The following IMMP2L variants were observed in gnomAD, a reference collection of about 807,000 sequenced individuals.
IMMP2L encodes the protein mitochondrial inner membrane protease subunit 2.
In IMMP2L, 18 loss-of-function variants were observed where a neutral mutation model predicts 19.3. The observed-to-expected ratio is 0.93, with a 90% CI of 0.64 to 1.38. The LOEUF is 1.38. Ranked by LOEUF, IMMP2L falls within the 40% of genes most tolerant of loss-of-function variation. The pLI, the probability that IMMP2L is intolerant of heterozygous loss-of-function variation, is 0.00. For missense variants in IMMP2L, 233 were observed against 218.2 expected (o/e 1.07, Z -0.43); for synonymous variants, 76 against 73.0 (o/e 1.04, Z -0.21).
intron 3 of IMMP2L, among the ~76,000 whole-genome samples, chr7:111,113,345 T>C (rs4730477): frequency 1.3e-5 from 2 of 151,952 alleles, no homozygotes; most frequent in Admixed American, 6.5e-5. Context: ...CCTCCTGAGA[T>C]TGATAAAAGC....
intron 3 of IMMP2L, among the ~76,000 whole-genome samples, chr7:111,286,877 G>A (rs1820542723): frequency 6.6e-6 from 1 of 152,070 alleles, no homozygotes; most frequent in Admixed American, 6.6e-5. Context: ...ATGATTTAGG[G>A]ATACACACTT....
chr7:111,148,491 T>C (rs1199894007), intron 3 of IMMP2L, among the ~76,000 whole-genome samples: 3 of 152,040 alleles, frequency 2.0e-5, no homozygotes, highest in African/African-American at 7.2e-5. Context: ...ATTACGTACA[T>C]TAAAAGTGTG....
intron 3 of IMMP2L, among the ~76,000 whole-genome samples, chr7:111,166,674 G>C (rs1051859585): frequency 6.6e-6 from 1 of 151,974 alleles, no homozygotes; most frequent in African/African-American, 2.4e-5. Flanking sequence ...GGAGGCCAAA[G>C]GTCTGAAATC....
At chr7:111,167,719 T>C (rs569778722) in intron 3 of IMMP2L, among the ~76,000 whole-genome samples, 6 of 152,050 alleles carry the variant, frequency 3.9e-5, no homozygotes, top group African/African-American at 7.2e-5. Context: ...TTTAACATCA[T>C]GTGCCTCAAA....
chr7:110,946,234 G>A (rs1166690536), intron 4 of IMMP2L, among the ~76,000 whole-genome samples: 2 of 152,114 alleles, frequency 1.3e-5, no homozygotes, highest in Non-Finnish European at 2.9e-5. Context: ...CAAGTTCCCT[G>A]CTGACTCTGA....
At chr7:110,754,220 C>T (rs1194072030) in intron 5 of IMMP2L, among the ~76,000 whole-genome samples, 1 of 151,930 alleles carries the variant, frequency 6.6e-6, no homozygotes, top group Admixed American at 6.6e-5. Flanking sequence ...GAATGGTTTA[C>T]CAGCTTTTTC....
chr7:110,770,988 T>TA (rs1486839750), intron 5 of IMMP2L, among the ~76,000 whole-genome samples: 2 of 152,140 alleles, frequency 1.3e-5, no homozygotes, highest in Non-Finnish European at 2.9e-5. Context: ...TCACAGGGTC[T>TA]ATCAGGGATA....
At chr7:111,368,543 G>C (rs1266749363) in intron 3 of IMMP2L, among the ~76,000 whole-genome samples, 5 of 151,870 alleles carry the variant, frequency 3.3e-5, no homozygotes, top group African/African-American at 1.2e-4. Context: ...GAAAGTTCTT[G>C]CTACCAAGAC....
chr7:111,056,577 C>A (rs1249812060), intron 3 of IMMP2L, among the ~76,000 whole-genome samples: 2 of 152,196 alleles, frequency 1.3e-5, no homozygotes, highest in African/African-American at 4.8e-5. Flanking sequence ...GCTGACTCTG[C>A]ACTATCAGAA....
Position 110,986,852 on chromosome 7 carries a change from A to G in IMMP2L, c.240-23287T>C, listed in dbSNP as rs374332418. Among the ~76,000 whole-genome samples, 240 of 152,192 alleles carry G rather than the reference A, an allele frequency of 1.6e-3. 3 individuals are homozygous for G. Among genetic ancestry groups the G allele is most frequent in the African/African-American group, 5.5e-3 (228 of 41,552 alleles). On this transcript the variant is annotated intron_variant, in intron 3 of 5. Coordinates refer to ENST00000405709, the MANE Select transcript of IMMP2L (RefSeq NM_032549.4). ...AAAAAAAAAAAATCTCTACTTCAAGAAAACACCCAAACACCCCAAACATTG... is the reference window on the plus strand; with the variant it reads ...AAAAAAAAAAAATCTCTACTTCAAGGAAACACCCAAACACCCCAAACATTG...
At chr7:111,030,562 T>C (rs901304964) in intron 3 of IMMP2L, among the ~76,000 whole-genome samples, 2 of 152,164 alleles carry the variant, frequency 1.3e-5, no homozygotes, top group African/African-American at 2.4e-5. Flanking sequence ...GATTTAGCTA[T>C]GTAGTCCCTA....
chr7:111,507,131 A>G (rs567041735), intron 2 of IMMP2L, among the ~76,000 whole-genome samples: 2 of 152,306 alleles, frequency 1.3e-5, no homozygotes, highest in African/African-American at 4.8e-5. Context: ...GTGAGCCACT[A>G]CACCCAGCCC....
intron 3 of IMMP2L, among the ~76,000 whole-genome samples, chr7:111,440,277 A>G (rs1431322128): frequency 6.6e-6 from 1 of 151,844 alleles, no homozygotes; most frequent in Non-Finnish European, 1.5e-5. Context: ...ATTTGACTAG[A>G]TCCATCAGAG....
At chr7:111,171,445 A>C (rs1283566468) in intron 3 of IMMP2L, among the ~76,000 whole-genome samples, 1 of 151,550 alleles carries the variant, frequency 6.6e-6, no homozygotes, top group Non-Finnish European at 1.5e-5. Context: ...ATTTACTCTA[A>C]AAGCCCAAAG....
intron 3 of IMMP2L, among the ~76,000 whole-genome samples, chr7:111,054,428 C>T (rs1793303008): frequency 6.6e-6 from 1 of 152,190 alleles, no homozygotes; most frequent in Admixed American, 6.5e-5. Flanking sequence ...CCCAATTAAA[C>T]CATTTGCAGT....
chr7:111,434,106 G>A (rs1260181427), intron 3 of IMMP2L, among the ~76,000 whole-genome samples: 1 of 151,676 alleles, frequency 6.6e-6, no homozygotes, highest in Non-Finnish European at 1.5e-5. Flanking sequence ...CAGGTCCATG[G>A]TATAGAATAG....
At chr7:111,209,396 CAAAAAAA>C (rs368679362) in intron 3 of IMMP2L, among the ~76,000 whole-genome samples, 1,406 of 88,570 alleles carry the variant, frequency 0.016, 14 homozygotes, top group South Asian at 0.048. Context: ...GACTCCTTCT[CAAAAAAA>C]AAAAAAAAAA....
At chr7:110,800,450 C>T (rs1232693490) in intron 5 of IMMP2L, among the ~76,000 whole-genome samples, 1 of 151,940 alleles carries the variant, frequency 6.6e-6, no homozygotes, top group African/African-American at 2.4e-5. Flanking sequence ...GAGAACAAAA[C>T]CAGAAAATAT....
chr7:111,144,643 G>A (rs2129599874), intron 3 of IMMP2L, among the ~76,000 whole-genome samples: 1 of 152,188 alleles, frequency 6.6e-6, no homozygotes, highest in South Asian at 2.1e-4. Flanking sequence ...ACGGGGGACA[G>A]AAATTCTAGG....
Sources: allele counts gnomAD v4.1 joint callset (sites outside exome capture counted in the v4.1 genomes callset), GRCh38; gene constraint gnomAD v4.1.1; transcripts MANE v1.5; gene names NCBI Gene and HGNC (gene_info 2026-07-23, HGNC 2026-07-21).